The following IARS2 variants were observed in gnomAD, a reference collection of about 807,000 sequenced individuals.
IARS2 encodes the protein isoleucine--tRNA ligase, mitochondrial.
Under a neutral mutation model 126.3 loss-of-function variants are expected in IARS2, and 56 were observed. That is an observed-to-expected ratio of 0.44 (90% CI 0.36 to 0.55). The LOEUF (loss-of-function observed/expected upper bound fraction) is 0.55, where lower values mean the gene tolerates loss of function less well. Among genes scored for constraint, IARS2 ranks in the 20% least tolerant of loss-of-function variants. The pLI is 0.00. For synonymous variants in IARS2, 407 were observed against 441.1 expected, an observed-to-expected ratio of 0.92 and a Z score of 0.97; for missense variants, 1,127 against 1,245.9, an observed-to-expected ratio of 0.90 and a Z score of 1.44.
Position 220,094,156 on chromosome 1 carries a change from G to C in IARS2, c.-61G>C. 6.9e-7 allele frequency: 1 copy of C among 1,457,432 alleles called. No homozygotes were observed. The highest frequency in any genetic ancestry group is 9.0e-7 in the Non-Finnish European group (1 of 1,108,210). The allele number at this position is 1,457,432 out of a possible 1,614,324, so 90.3% of individuals were successfully genotyped here. A position where few individuals can be genotyped will look rare whatever the true frequency, so the allele number is the denominator to read the frequency against. ...TACTCGGCTCCCCTTGGTTTCCTGG[G>C]GTCCTGCCCCTTCAAGCTGGGGCGG... On this transcript the variant is annotated 5_prime_UTR_variant, in exon 1 of 23. Coordinates refer to ENST00000366922, the MANE Select transcript of IARS2 (RefSeq NM_018060.4).
chr1:220,130,181 C>A (rs1414041482), intron 14 of IARS2, among the ~76,000 whole-genome samples: 1 of 152,112 alleles, frequency 6.6e-6, no homozygotes, highest in Non-Finnish European at 1.5e-5. Flanking sequence ...TCTGTTCAGA[C>A]CCTTTGCCCA....
chr1:220,096,271 T>A, intron 2 of IARS2, 45 bp downstream of exon 2: 1 of 1,247,722 alleles, frequency 8.0e-7, no homozygotes, highest in Non-Finnish European at 1.1e-6. Context: ...AGTGTTTATG[T>A]AAATACTCTT....
intron 15 of IARS2, chr1:220,134,831 G>T (rs893480308): frequency 1.1e-4 from 18 of 163,950 alleles, no homozygotes; most frequent in African/African-American, 4.1e-4. Context: ...GCAATGGTGT[G>T]GTCAGAGCTC....
chr1:220,096,641 C>T (rs1212317686), intron 2 of IARS2, among the ~76,000 whole-genome samples: 1 of 152,152 alleles, frequency 6.6e-6, no homozygotes, highest in Non-Finnish European at 1.5e-5. Context: ...TCTGTTCACT[C>T]ATTTTTCAGT....
chr1:220,123,429 G>A (rs1657088199), intron 12 of IARS2, among the ~76,000 whole-genome samples: 2 of 151,986 alleles, frequency 1.3e-5, no homozygotes, highest in Admixed American at 6.5e-5. Flanking sequence ...CTGATATCCA[G>A]CTTTTATAAG....
rs1158640385 is a variant in IARS2 at position 220,114,422 on chromosome 1, G to C, written c.1588G>C (p.Val530Leu). The stretch of plus-strand genomic sequence containing the variant: ...TATATCAAGGCAAAGAGTTTGGGGT[G>C]TTCCAATTCCTGTGTTTCATCATAA... ...WCISRQRVWG[V>L]PIPVFHHKTK... is the part of the protein sequence containing the mutation. The change falls in exon 12 of 23, where the codon GTT becomes CTT. Residue 530 changes from valine (V) to leucine (L), a missense_variant. By Grantham distance (32) the Val-to-Leu change is conservative. Transcript: ENST00000366922. 6.2e-7 allele frequency: 1 copy of C among 1,613,792 alleles called. No individual in the cohort carries two copies. The highest frequency in any genetic ancestry group is 1.3e-5 in the African/African-American group (1 of 75,030).
chr1:220,099,990 T>G (rs1318921004), intron 2 of IARS2, among the ~76,000 whole-genome samples: 1 of 152,224 alleles, frequency 6.6e-6, no homozygotes, highest in Non-Finnish European at 1.5e-5. Context: ...GAGCACTGTT[T>G]CCTCTTGGGA....
intron 8 of IARS2, among the ~76,000 whole-genome samples, chr1:220,105,655 T>C (rs538008787): frequency 6.6e-6 from 1 of 152,190 alleles, no homozygotes; most frequent in Non-Finnish European, 1.5e-5. Flanking sequence ...ATCAAAACAC[T>C]TAAACTACAT....
chr1:220,125,045 CAG>C (rs1657125099), intron 12 of IARS2, among the ~76,000 whole-genome samples, 190 bp from the exon 13 acceptor site: 1 of 152,118 alleles, frequency 6.6e-6, no homozygotes, highest in South Asian at 2.1e-4. Flanking sequence ...GTAACGGAAA[CAG>C]ATGTTTTTTC....
At chr1:220,147,166 G>T (rs1657614162) in intron 22 of IARS2, among the ~76,000 whole-genome samples, 1 of 152,132 alleles carries the variant, frequency 6.6e-6, no homozygotes, top group African/African-American at 2.4e-5. Flanking sequence ...TATGTAGCTG[G>T]AGAGGCAGTG....
chr1:220,108,292 C>T (rs1332950529), intron 10 of IARS2, among the ~76,000 whole-genome samples: 1 of 151,928 alleles, frequency 6.6e-6, no homozygotes, highest in East Asian at 1.9e-4. Flanking sequence ...GAACTCCTGA[C>T]CTCAGGTGAT....
intron 11 of IARS2, among the ~76,000 whole-genome samples, chr1:220,111,751 T>G (rs1327100043): frequency 6.6e-6 from 1 of 152,078 alleles, no homozygotes; most frequent in African/African-American, 2.4e-5. Context: ...CTGGTTCATT[T>G]ATTGGCCTGG....
intron 14 of IARS2, among the ~76,000 whole-genome samples, chr1:220,128,171 C>G (rs1048324358): frequency 6.8e-6 from 1 of 147,642 alleles, no homozygotes; most frequent in Non-Finnish European, 1.5e-5. Flanking sequence ...AAAGGGAGGG[C>G]CGACTTTTCA....
At chr1:220,130,551 G>A (rs1440808067) in intron 14 of IARS2, among the ~76,000 whole-genome samples, 2 of 151,912 alleles carry the variant, frequency 1.3e-5, no homozygotes, top group African/African-American at 2.4e-5. Context: ...AGAGGTAGGG[G>A]TCTATTTTCT....
chr1:220,134,310 C>G, intron 14 of IARS2, 92 bp from the exon 15 acceptor site: 1 of 843,452 alleles, frequency 1.2e-6, no homozygotes, highest in Non-Finnish European at 1.8e-6. Flanking sequence ...TTCCCTTCCT[C>G]CCCACTAATT....
chr1:220,127,925 C>G (rs570970884), intron 14 of IARS2, among the ~76,000 whole-genome samples: 2 of 152,046 alleles, frequency 1.3e-5, no homozygotes, highest in East Asian at 1.9e-4. Flanking sequence ...CCAGCATATT[C>G]GAGAGAAAAT....
chr1:220,121,929 GA>G (rs1657059279), intron 12 of IARS2, among the ~76,000 whole-genome samples: 1 of 152,200 alleles, frequency 6.6e-6, no homozygotes, highest in Admixed American at 6.5e-5. Context: ...CCCATCTCTA[GA>G]GGGGGGGAAA....
At chr1:220,144,265 G>A (rs556711644) in intron 21 of IARS2, 39 of 764,556 alleles carry the variant, frequency 5.1e-5, no homozygotes, top group South Asian at 1.1e-4. Context: ...TTTGGAGCAC[G>A]GCCTAATAAG....
chr1:220,099,674 A>C (rs1457431697), intron 2 of IARS2, among the ~76,000 whole-genome samples: 1 of 152,230 alleles, frequency 6.6e-6, no homozygotes, highest in Non-Finnish European at 1.5e-5. Context: ...TACAGGGAAG[A>C]GACAAAAAAA....
Sources: allele counts gnomAD v4.1 joint callset (sites outside exome capture counted in the v4.1 genomes callset), GRCh38; gene constraint gnomAD v4.1.1; transcripts MANE v1.5; gene names NCBI Gene and HGNC (gene_info 2026-07-23, HGNC 2026-07-21).